OPCML: variants seen among roughly 807,000 people sequenced by gnomAD.
The protein encoded by OPCML is opioid-binding protein/cell adhesion molecule.
A neutral mutation model predicts 37.8 loss-of-function variants in OPCML; 13 were observed. The ratio of observed to expected loss-of-function variants is 0.34; its 90% confidence interval spans 0.22 to 0.55. OPCML has a LOEUF of 0.55. Ranked by LOEUF, OPCML falls within the 20% of genes least tolerant of loss-of-function variation. The pLI is 0.91. For missense variants in OPCML, 341 were observed against 435.6 expected (o/e 0.78, Z 1.93); for synonymous variants, 176 against 168.8 (o/e 1.04, Z -0.33).
Position 132,419,893 on chromosome 11 carries a change from T to C in OPCML, c.*300A>G, listed in dbSNP as rs1040245230. On this transcript the variant is annotated 3_prime_UTR_variant, in exon 8 of 8. Transcript: ENST00000524381. ...TGGCAGAGGATGTTGTTGGGAATGA[T>C]GATGAGGAGAGAAGCAGAGGAAAGG... is the stretch of plus-strand genomic sequence containing the variant. 6.0e-6 allele frequency: 2 copies of C among 334,350 alleles called. No homozygotes were observed. Among genetic ancestry groups the C allele is most frequent in the African/African-American group, 2.1e-5 (1 of 46,816 alleles). 20.7% of individuals were successfully genotyped at this position (334,350 alleles called of 1,614,324 possible).
intron 2 of OPCML, among the ~76,000 whole-genome samples, chr11:132,706,662 C>T (rs1271675113): frequency 2.6e-5 from 4 of 152,140 alleles, no homozygotes; most frequent in East Asian, 1.9e-4. Context: ...TACTACACCA[C>T]GCCCCTAAGA....
At chr11:132,941,016 T>TA (rs1380136823) in intron 2 of OPCML, among the ~76,000 whole-genome samples, 6,653 of 147,092 alleles carry the variant, frequency 0.045, 448 homozygotes, top group African/African-American at 0.15. Flanking sequence ...TGTGCTTACT[T>TA]AAAAAAAAAA....
intron 1 of OPCML, among the ~76,000 whole-genome samples, chr11:133,060,280 T>G (rs960293465): frequency 1.3e-5 from 2 of 151,974 alleles, no homozygotes; most frequent in African/African-American, 4.8e-5. Flanking sequence ...GGAAGAGTAT[T>G]TACTACTGGT....
chr11:132,812,984 T>A (rs1939432150), intron 2 of OPCML, among the ~76,000 whole-genome samples: 1 of 152,180 alleles, frequency 6.6e-6, no homozygotes, highest in Admixed American at 6.5e-5. Context: ...AAATGAGACC[T>A]CCCTGAAAAC....
chr11:132,855,843 T>G (rs1591708484), intron 2 of OPCML, among the ~76,000 whole-genome samples: 1 of 152,232 alleles, frequency 6.6e-6, no homozygotes. Context: ...TAATGCAGTT[T>G]TCTCAGATTT....
chr11:133,170,012 G>T (rs979623718), intron 1 of OPCML, among the ~76,000 whole-genome samples: 3 of 152,082 alleles, frequency 2.0e-5, no homozygotes, highest in African/African-American at 7.2e-5. Context: ...GTTATAAAAG[G>T]TTGAGAAGCA....
At chr11:133,188,598 A>C (rs1380998187) in intron 1 of OPCML, among the ~76,000 whole-genome samples, 1 of 152,310 alleles carries the variant, frequency 6.6e-6, no homozygotes, top group Admixed American at 6.5e-5. Flanking sequence ...GCAGGAGAAA[A>C]AACCCACAAA....
At chr11:133,290,110 T>A (rs1450241385) in intron 1 of OPCML, among the ~76,000 whole-genome samples, 2 of 152,174 alleles carry the variant, frequency 1.3e-5, no homozygotes, top group African/African-American at 2.4e-5. Context: ...GCTGCATGCT[T>A]CTGAATGGGG....
At chr11:133,030,200 C>A (rs1224947999) in intron 1 of OPCML, among the ~76,000 whole-genome samples, 8 of 152,174 alleles carry the variant, frequency 5.3e-5, no homozygotes, top group Admixed American at 4.6e-4. Context: ...GTCTCCTAAC[C>A]AAACTGTCAA....
At position 132,436,228 on chromosome 11, in the gene OPCML, AGT is replaced by A; in HGVS notation, c.772_773del (p.Thr258TrpfsTer8). 6.2e-7 allele frequency: 1 copy of A among 1,614,216 alleles called. No homozygotes were observed. Among genetic ancestry groups the A allele is most frequent in the Non-Finnish European group, 8.5e-7 (1 of 1,180,030 alleles). Reference sequence around the variant, plus strand: ...TTTCAATCCTCATTCCATCCAGACCAGTGGCTAACCTGCAAGAGGGAAGACAT... The same window carrying A: ...TTTCAATCCTCATTCCATCCAGACCAGGCTAACCTGCAAGAGGGAAGACAT... ...QWFKEETRLA[T>X]GLDGMRIENK... On this transcript the variant is annotated frameshift_variant, in exon 7 of 8. Coordinates refer to ENST00000524381, the MANE Select transcript of OPCML (RefSeq NM_001012393.5). LOFTEE classifies it high-confidence loss of function.
chr11:133,254,716 T>C (rs1941254396), intron 1 of OPCML, among the ~76,000 whole-genome samples: 1 of 152,160 alleles, frequency 6.6e-6, no homozygotes, highest in South Asian at 2.1e-4. Context: ...ATGGACAGCT[T>C]TAAACTTGGG....
intron 1 of OPCML, chr11:133,118,351 C>A: frequency 2.0e-6 from 2 of 985,308 alleles, no homozygotes; most frequent in South Asian, 4.7e-5. Context: ...CAAGGACATG[C>A]CGGTTGTTTA....
At chr11:133,199,272 A>G (rs181529786) in intron 1 of OPCML, among the ~76,000 whole-genome samples, 78 of 152,270 alleles carry the variant, frequency 5.1e-4, no homozygotes, top group African/African-American at 1.6e-3. Flanking sequence ...TCTTGCTTAA[A>G]ATTAGCTCTG....
intron 1 of OPCML, among the ~76,000 whole-genome samples, chr11:133,363,590 G>A (rs1944470243): frequency 6.6e-6 from 1 of 152,194 alleles, no homozygotes; most frequent in Non-Finnish European, 1.5e-5. Flanking sequence ...CTGTCGGGTT[G>A]GGGAGGTGCA....
intron 3 of OPCML, among the ~76,000 whole-genome samples, chr11:132,640,410 T>C (rs1940783132): frequency 1.3e-5 from 2 of 152,282 alleles, no homozygotes; most frequent in South Asian, 4.2e-4. Context: ...CAGCCACACA[T>C]TGCAGTTACC....
chr11:133,136,164 A>G (rs1949686268), intron 1 of OPCML, among the ~76,000 whole-genome samples: 1 of 152,252 alleles, frequency 6.6e-6, no homozygotes, highest in Non-Finnish European at 1.5e-5. Context: ...TTAATAATGC[A>G]TACAGTAAAA....
At chr11:133,204,887 T>TGC (rs1938986090) in intron 1 of OPCML, among the ~76,000 whole-genome samples, 2 of 40,224 alleles carry the variant, frequency 5.0e-5, no homozygotes, top group African/African-American at 1.4e-4. Context: ...TATATATATA[T>TGC]ATATATATAT....
intron 4 of OPCML, among the ~76,000 whole-genome samples, chr11:132,489,137 T>C (rs1184103115): frequency 6.6e-6 from 1 of 152,132 alleles, no homozygotes; most frequent in Non-Finnish European, 1.5e-5. Context: ...AATGTATTAT[T>C]ATTTTATTTT....
chr11:132,782,610 A>C (rs1210974851), intron 2 of OPCML, among the ~76,000 whole-genome samples: 3 of 152,144 alleles, frequency 2.0e-5, no homozygotes, highest in African/African-American at 7.2e-5. Context: ...AGGAGATATA[A>C]AATATAAATG....
Sources: gnomAD v4.1 joint callset for allele counts (sites outside exome capture counted in the v4.1 genomes callset) on GRCh38, gnomAD v4.1.1 for gene constraint, MANE v1.5 for transcripts, NCBI Gene and HGNC (gene_info 2026-07-23, HGNC 2026-07-21) for gene names.